PSMG4: variants seen among roughly 807,000 people sequenced by gnomAD.
PSMG4 encodes proteasome (prosome, macropain) assembly chaperone 4.
PSMG4 carries 10 observed loss-of-function variants against 11.0 expected under a neutral mutation model. That is an observed-to-expected ratio of 0.91 (90% CI 0.56 to 1.54). PSMG4 has a LOEUF of 1.54. Among genes scored for constraint, PSMG4 ranks in the 40% most tolerant of loss-of-function variants. PSMG4 has a pLI of 0.00. For missense variants in PSMG4, 198 were observed against 160.9 expected (o/e 1.23, Z -1.25); for synonymous variants, 95 against 71.3 (o/e 1.33, Z -1.68).
rs549728771 is a variant in PSMG4, at chr6:3,259,722, C to T, written c.174+526C>T. ...TGTCTTTGATTCCTCTTTCTTCACA[C>T]TCCACGTGCTGAGTCCCTAGGCACT... On this transcript the variant is annotated intron_variant, in intron 1 of 2. Coordinates refer to ENST00000438998, the MANE Select transcript of PSMG4 (RefSeq NM_001128591.2). Among the ~76,000 whole-genome samples, 4 of 152,330 alleles carry T rather than the reference C, an allele frequency of 2.6e-5. No individual in the cohort carries two copies. The South Asian group carries it at 8.3e-4, about 32-fold the overall frequency.
intron 1 of PSMG4, among the ~76,000 whole-genome samples, chr6:3,260,293 T>TATATATATA (rs1561840992): frequency 2.2e-5 from 2 of 89,710 alleles, no homozygotes; most frequent in African/African-American, 9.4e-5. Context: ...ATATATATAT[T>TATATATATA]TTTTTTTTTT....
upstream of PSMG4, among the ~76,000 whole-genome samples, chr6:3,254,651 G>A (rs924673876): frequency 3.3e-5 from 5 of 152,182 alleles, no homozygotes; most frequent in South Asian, 4.1e-4. Flanking sequence ...AAGGCCTACA[G>A]CTTTGTTCCT....
intron 1 of PSMG4, among the ~76,000 whole-genome samples, chr6:3,262,277 A>G (rs151087979): frequency 1.3e-5 from 2 of 152,280 alleles, no homozygotes; most frequent in Admixed American, 1.3e-4. Flanking sequence ...GTAATGAACT[A>G]TTAAGGGTGA....
upstream of PSMG4, among the ~76,000 whole-genome samples, chr6:3,258,097 T>C (rs956839087): frequency 5.3e-5 from 8 of 152,172 alleles, no homozygotes; most frequent in African/African-American, 1.2e-4. Context: ...CCTTCTCTCT[T>C]AACCCATCAA....
upstream of PSMG4, chr6:3,255,361 T>A (rs937898410): frequency 7.0e-7 from 1 of 1,438,508 alleles, no homozygotes; most frequent in Non-Finnish European, 9.2e-7. Flanking sequence ...GCTTAATTTT[T>A]CCTGTGGTGG....
chr6:3,264,527 C>G, intron 2 of PSMG4: 2 of 1,028,012 alleles, frequency 1.9e-6, no homozygotes, highest in Middle Eastern at 3.2e-4. Context: ...CAAATGCACA[C>G]GAATAGCATG....
At chr6:3,263,933 A>G (rs1479601789) in intron 2 of PSMG4, 174 bp downstream of exon 2, 4 of 1,411,198 alleles carry the variant, frequency 2.8e-6, no homozygotes, top group Middle Eastern at 2.0e-4. Flanking sequence ...GGCACATTCC[A>G]TGCTCGCCTG....
At chr6:3,260,624 A>C (rs192815639) in intron 1 of PSMG4, among the ~76,000 whole-genome samples, 1 of 152,156 alleles carries the variant, frequency 6.6e-6, no homozygotes, top group Admixed American at 6.5e-5. Flanking sequence ...TATAGGCGTT[A>C]GCCGCCGCGC....
At chr6:3,254,725 AAAC>A (rs1022796437), upstream of PSMG4, among the ~76,000 whole-genome samples, 21 of 152,296 alleles carry the variant, frequency 1.4e-4, no homozygotes, top group African/African-American at 4.3e-4. Flanking sequence ...ACACCAGAAA[AAAC>A]AAACTCCCCC....
intron 2 of PSMG4, chr6:3,265,729 ATGG>A (rs1265441947): frequency 6.6e-6 from 1 of 152,188 alleles, no homozygotes; most frequent in African/African-American, 2.4e-5. Flanking sequence ...TTGGTCCCTA[ATGG>A]TGGGGGAAGC....
upstream of PSMG4, among the ~76,000 whole-genome samples, chr6:3,257,214 A>T (rs1004123953): frequency 6.6e-6 from 1 of 152,170 alleles, no homozygotes; most frequent in Non-Finnish European, 1.5e-5. Context: ...TGGGGAGCAT[A>T]GTCAAGGGGA....
At chr6:3,254,422 G>A (rs569418441), upstream of PSMG4, among the ~76,000 whole-genome samples, 102 of 149,842 alleles carry the variant, frequency 6.8e-4, no homozygotes, top group African/African-American at 2.2e-3. Flanking sequence ...ATCTGAGGAG[G>A]TATGGCTTTG....
chr6:3,255,164 A>G, upstream of PSMG4: 1 of 1,550,900 alleles, frequency 6.4e-7, no homozygotes, highest in Non-Finnish European at 8.7e-7. Flanking sequence ...GGCCATACTG[A>G]CGGCTTACAT....
chr6:3,263,341 C>T lies in PSMG4; in HGVS notation c.175-343C>T, dbSNP rs145626601. Among the ~76,000 whole-genome samples, 754 of 152,360 alleles carry T rather than the reference C, an allele frequency of 4.9e-3. 8 individuals carry two copies. The highest frequency in any genetic ancestry group is 7.2e-3 in the Non-Finnish European group (487 of 68,040). On this transcript the variant is annotated intron_variant, in intron 1 of 2. Coordinates refer to ENST00000438998, the MANE Select transcript of PSMG4 (RefSeq NM_001128591.2). ...TGAGTCACTTTCTTCTTGCTGTAGC[C>T]TTAATGATCTTGTTTGCTTCCCTTT...
rs1261021278 is a variant in PSMG4, at chr6:3,260,275, T to TTTTATATATATATATATA, written c.174+1080_174+1081insTTATATATATATATATAT. On this transcript the variant is annotated intron_variant, in intron 1 of 2. Transcript: ENST00000438998. ...TACTCCAGTATAACCTTGTCTTAAATTGTATATATATATATATTTTTTTTT... is the reference window on the plus strand; with the variant it reads ...TACTCCAGTATAACCTTGTCTTAAATTTTATATATATATATATATGTATATATATATATATTTTTTTTT... 3.5e-4 allele frequency among the ~76,000 whole-genome samples: 24 copies of TTTTATATATATATATATA among 69,082 alleles called. 2 individuals carry two copies. Among genetic ancestry groups the TTTTATATATATATATATA allele is most frequent in the South Asian group, 2.4e-3 (5 of 2,108 alleles). The allele number at this position is 69,082 out of a possible 152,430, so 45.3% of individuals were successfully genotyped here. A position where few individuals can be genotyped will look rare whatever the true frequency, so the allele number is the denominator to read the frequency against.
chr6:3,259,092 C>G lies in PSMG4; in HGVS notation c.70C>G (p.Gln24Glu). The G allele has an allele frequency of 5.5e-6, 7 of 1,272,306 alleles. No homozygotes were observed. The highest frequency in any genetic ancestry group is 7.0e-6 in the Non-Finnish European group (7 of 1,007,178). 78.8% of individuals were successfully genotyped at this position (1,272,306 alleles called of 1,614,324 possible). The stretch of plus-strand genomic sequence containing the variant: ...CAACTTCAGCGCGAGGCTGTGGGAG[C>G]AGCTGGTCCACTTCCACGTCATGCG... ...LHNFSARLWEQLVHFHVMRLT... is the reference protein window; with the variant it reads ...LHNFSARLWEELVHFHVMRLT... The change falls in exon 1 of 3, where the codon CAG becomes GAG. Residue 24 changes from glutamine to glutamate, a missense_variant. By Grantham distance (29) the Gln-to-Glu change is conservative. Coordinates refer to ENST00000438998, the MANE Select transcript of PSMG4 (RefSeq NM_001128591.2).
At chr6:3,265,873 C>T (rs1437914727) in intron 2 of PSMG4, 1 of 151,748 alleles carries the variant, frequency 6.6e-6, no homozygotes, top group African/African-American at 2.4e-5. Context: ...TCTTTAAACA[C>T]CAGCTCTTGG....
chr6:3,262,608 CTGTT>C (rs5873870), intron 1 of PSMG4, among the ~76,000 whole-genome samples: 103,612 of 151,638 alleles, frequency 0.68, 38,362 homozygotes, highest in Non-Finnish European at 0.83. Flanking sequence ...CACACAGTAG[CTGTT>C]TGTTCAGTTA....
At chr6:3,264,507 C>G in intron 2 of PSMG4, 2 of 1,168,830 alleles carry the variant, frequency 1.7e-6, no homozygotes, top group African/African-American at 1.5e-5. Context: ...CTGTGTCAGT[C>G]ACACTGAGGC....
Sources: allele counts gnomAD v4.1 joint callset (sites outside exome capture counted in the v4.1 genomes callset), GRCh38; gene constraint gnomAD v4.1.1; transcripts MANE v1.5; gene names NCBI Gene and HGNC (gene_info 2026-07-23, HGNC 2026-07-21).